CCSER1: variants seen among roughly 807,000 people sequenced by gnomAD.
The protein encoded by CCSER1 is serine-rich coiled-coil domain-containing protein 1.
A neutral mutation model predicts 82.0 loss-of-function variants in CCSER1; 41 were observed. That is an observed-to-expected ratio of 0.50 (90% CI 0.39 to 0.65). CCSER1 has a LOEUF of 0.65. Among genes scored for constraint, CCSER1 ranks in the 30% least tolerant of loss-of-function variants. CCSER1 has a pLI of 0.00. For missense variants in CCSER1, 1,119 were observed against 1,064.2 expected (o/e 1.05, Z -0.72); for synonymous variants, 414 against 383.9 (o/e 1.08, Z -0.92).
chr4:91,233,376 G>A (rs888983577), intron 10 of CCSER1, among the ~76,000 whole-genome samples: 2 of 151,838 alleles, frequency 1.3e-5, no homozygotes, highest in Admixed American at 6.6e-5. Context: ...TTGCAGATAC[G>A]TACCTTCACT....
At chr4:90,619,591 T>A (rs191639461) in intron 5 of CCSER1, among the ~76,000 whole-genome samples, 1 of 152,070 alleles carries the variant, frequency 6.6e-6, no homozygotes, top group Non-Finnish European at 1.5e-5. Context: ...ATGTCTTTGA[T>A]GATTTTGTGC....
chr4:90,618,310 T>C (rs190356802), intron 5 of CCSER1, among the ~76,000 whole-genome samples: 97 of 152,128 alleles, frequency 6.4e-4, no homozygotes, highest in African/African-American at 2.2e-3. Flanking sequence ...AACAATTTTC[T>C]TTTTAGAAAC....
At chr4:90,320,669 C>T (rs950716385) in intron 3 of CCSER1, among the ~76,000 whole-genome samples, 18 of 151,994 alleles carry the variant, frequency 1.2e-4, no homozygotes, top group African/African-American at 1.4e-4. Context: ...CAGCTCACTT[C>T]GTTTCTTATA....
intron 8 of CCSER1, among the ~76,000 whole-genome samples, chr4:90,896,698 A>T (rs989548222): frequency 6.6e-6 from 1 of 151,922 alleles, no homozygotes; most frequent in Non-Finnish European, 1.5e-5. Context: ...AAACTGGTAC[A>T]CACATTTTAT....
At chr4:91,405,534 G>T (rs1025881560) in intron 10 of CCSER1, among the ~76,000 whole-genome samples, 54 of 152,296 alleles carry the variant, frequency 3.5e-4, no homozygotes, top group Non-Finnish European at 4.4e-4. Flanking sequence ...CCTACAGAAT[G>T]GGAGAAAATT....
At chr4:91,229,976 A>G (rs1357863778) in intron 10 of CCSER1, among the ~76,000 whole-genome samples, 1 of 152,156 alleles carries the variant, frequency 6.6e-6, no homozygotes, top group African/African-American at 2.4e-5. Flanking sequence ...CATTCTGCAC[A>G]TGAATCCCAG....
intron 9 of CCSER1, among the ~76,000 whole-genome samples, chr4:90,973,662 A>G (rs1235834212): frequency 6.6e-6 from 1 of 151,728 alleles, no homozygotes; most frequent in Non-Finnish European, 1.5e-5. Flanking sequence ...TTCTGGGTAT[A>G]TATCCAAAGG....
At chr4:91,269,826 C>A (rs923891095) in intron 10 of CCSER1, among the ~76,000 whole-genome samples, 5 of 152,060 alleles carry the variant, frequency 3.3e-5, no homozygotes, top group East Asian at 1.9e-4. Flanking sequence ...AAAATTCATA[C>A]CCCTTTAGAT....
At chr4:91,031,120 T>G (rs1284327145) in intron 9 of CCSER1, among the ~76,000 whole-genome samples, 1 of 152,186 alleles carries the variant, frequency 6.6e-6, no homozygotes, top group Non-Finnish European at 1.5e-5. Context: ...TCACTGTGGC[T>G]CATTATATGA....
intron 1 of CCSER1, among the ~76,000 whole-genome samples, chr4:90,171,682 T>G (rs760997812): frequency 6.6e-6 from 1 of 151,916 alleles, no homozygotes; most frequent in Non-Finnish European, 1.5e-5. Flanking sequence ...GCTTCTTTAC[T>G]TAGCAGCACA....
chr4:90,161,883 C>T (rs115588445), intron 1 of CCSER1, among the ~76,000 whole-genome samples: 4,423 of 151,876 alleles, frequency 0.029, 107 homozygotes, highest in South Asian at 0.06. Flanking sequence ...AAAAGGTGTT[C>T]TTTTTCTCTA....
intron 1 of CCSER1, among the ~76,000 whole-genome samples, chr4:90,181,388 G>T (rs753863823): frequency 6.6e-6 from 1 of 152,098 alleles, no homozygotes; most frequent in Non-Finnish European, 1.5e-5. Context: ...TTTGGTACAT[G>T]CTACAACATG....
chr4:90,980,831 C>G (rs962636258), intron 9 of CCSER1, among the ~76,000 whole-genome samples: 8 of 151,682 alleles, frequency 5.3e-5, no homozygotes, highest in Non-Finnish European at 1.0e-4. Flanking sequence ...AGATTTTGCC[C>G]CCAGGCTATA....
At chr4:91,234,968 T>C (rs1224591580) in intron 10 of CCSER1, among the ~76,000 whole-genome samples, 1 of 152,034 alleles carries the variant, frequency 6.6e-6, no homozygotes, top group Non-Finnish European at 1.5e-5. Flanking sequence ...AGAGGCAATA[T>C]AGCCTAGAGG....
At chr4:91,291,331 T>C (rs1743727105) in intron 10 of CCSER1, among the ~76,000 whole-genome samples, 1 of 152,046 alleles carries the variant, frequency 6.6e-6, no homozygotes, top group South Asian at 2.1e-4. Context: ...TGATCTGTTA[T>C]TACTTTTCTA....
At chr4:90,665,041 T>A (rs534978761) in intron 6 of CCSER1, among the ~76,000 whole-genome samples, 23 of 152,302 alleles carry the variant, frequency 1.5e-4, no homozygotes, top group Non-Finnish European at 2.9e-4. Context: ...AAAATTCAAG[T>A]CCTTGTTTAG....
At chr4:90,202,840 C>T (rs1015281439) in intron 1 of CCSER1, among the ~76,000 whole-genome samples, 1 of 152,068 alleles carries the variant, frequency 6.6e-6, no homozygotes, top group African/African-American at 2.4e-5. Flanking sequence ...TTTCGTGAAC[C>T]ACAGCTGCTT....
At chr4:91,250,830 T>G (rs1740199173) in intron 10 of CCSER1, among the ~76,000 whole-genome samples, 1 of 152,016 alleles carries the variant, frequency 6.6e-6, no homozygotes, top group Non-Finnish European at 1.5e-5. Context: ...TCTAAAGTAT[T>G]GTGTTTTTAA....
intron 9 of CCSER1, among the ~76,000 whole-genome samples, chr4:91,078,688 GAGTAAAC>G (rs1481188297): frequency 1.3e-5 from 2 of 152,164 alleles, no homozygotes; most frequent in Admixed American, 6.5e-5. Flanking sequence ...CTTGAAAACA[GAGTAAAC>G]AAATGGCAAA....
Sources: allele counts gnomAD v4.1 joint callset (sites outside exome capture counted in the v4.1 genomes callset), GRCh38; gene constraint gnomAD v4.1.1; transcripts MANE v1.5; gene names NCBI Gene and HGNC (gene_info 2026-07-23, HGNC 2026-07-21).